MEGF6: variants seen among roughly 807,000 people sequenced by gnomAD.
MEGF6 encodes the protein multiple epidermal growth factor-like domains protein 6.
In MEGF6, 184 loss-of-function variants were observed where a neutral mutation model predicts 207.1. The observed-to-expected ratio is 0.89, with a 90% CI of 0.79 to 1.00. The LOEUF is 1.00. MEGF6 is among the 50% of genes least tolerant of loss of function. The pLI is 0.00. For missense variants in MEGF6, 2,282 were observed against 2,202.9 expected (o/e 1.04, Z -0.72); for synonymous variants, 1,038 against 910.0 (o/e 1.14, Z -2.53).
the MEGF6 span, among the ~76,000 whole-genome samples, chr1:3,622,349 C>A: frequency 2.6e-5 from 4 of 152,198 alleles, no homozygotes; most frequent in African/African-American, 7.2e-5. Context: ...GTAAGACGTG[C>A]CTTGCTTCCC....
intron 20 of MEGF6, 55 bp from the exon 21 acceptor site, chr1:3,500,819 C>G: frequency 6.3e-7 from 1 of 1,594,840 alleles, no homozygotes; most frequent in Middle Eastern, 2.0e-4. Context: ...CCACGGGCAC[C>G]ACAGCCGAGT....
chr1:3,539,664 G>A (rs1308504876), intron 4 of MEGF6, among the ~76,000 whole-genome samples: 2 of 152,166 alleles, frequency 1.3e-5, no homozygotes, highest in Non-Finnish European at 2.9e-5. Context: ...TGGGGCTTCC[G>A]GGAGGACTGG....
rs1185919168 is a variant in MEGF6, at chr1:3,493,909, G to A, written c.4259-10C>T. The A allele has an allele frequency of 1.3e-6, 2 of 1,586,958 alleles. No individual in the cohort carries two copies. Among genetic ancestry groups the A allele is most frequent in the Non-Finnish European group, 1.7e-6 (2 of 1,167,204 alleles). Reference sequence around the variant, plus strand: ...GAACCTGGCTCACACCCTGGTGGGGGCAGTGGGCTCAGTGTCCCCCTCCTG... The same window carrying A: ...GAACCTGGCTCACACCCTGGTGGGGACAGTGGGCTCAGTGTCCCCCTCCTG... On this transcript the variant is annotated splice_polypyrimidine_tract_variant and intron_variant, in intron 33 of 36. Transcript: ENST00000356575.
chr1:3,529,032 C>A (rs112465040), intron 4 of MEGF6, among the ~76,000 whole-genome samples: 4 of 152,204 alleles, frequency 2.6e-5, no homozygotes, highest in African/African-American at 9.7e-5. Context: ...TCTGCCAGAC[C>A]GGCCCCCCGA....
At chr1:3,557,404 C>G (rs1054398771) in intron 4 of MEGF6, among the ~76,000 whole-genome samples, 1 of 152,192 alleles carries the variant, frequency 6.6e-6, no homozygotes, top group African/African-American at 2.4e-5. Context: ...CCCTTGGCTC[C>G]CAGGGTGGCG....
At position 3,500,981 on chromosome 1, in the gene MEGF6, A is replaced by G. The variant is rs41303857; in HGVS notation, c.2560T>C (p.Phe854Leu). 3.6e-3 allele frequency: 5,817 copies of G among 1,611,926 alleles called. 16 individuals carry two copies. Among genetic ancestry groups the G allele is most frequent in the Non-Finnish European group, 4.5e-3 (5,367 of 1,179,962 alleles). Residue 854 changes from phenylalanine to leucine, a missense_variant, in exon 20 of 37, where the codon TTT (phenylalanine) becomes CTT (leucine). Phe to Leu is a conservative substitution (Grantham distance 22). Coordinates refer to ENST00000356575, the MANE Select transcript of MEGF6 (RefSeq NM_001409.4). Reference protein sequence around the residue: ...HCSCAPGWTGFSCQRACDTGH... With the variant: ...HCSCAPGWTGLSCQRACDTGH... ...GCCCCCGTACCTCTCTGGCAGCTAA[A>G]GCCGGTCCACCCGGGGGCACAGCTG...
chr1:3,605,518 A>G (rs1441858458), intron 1 of MEGF6, among the ~76,000 whole-genome samples: 3 of 149,222 alleles, frequency 2.0e-5, no homozygotes, highest in African/African-American at 7.4e-5. Flanking sequence ...ACACACATAC[A>G]CATTCACACT....
In MEGF6 at chr1:3,595,401, G is replaced by A. The variant is rs754535443; in HGVS notation, c.313C>T (p.Arg105Trp). The A allele has an allele frequency of 6.8e-6, 11 of 1,612,546 alleles. No individual in the cohort carries two copies. Among genetic ancestry groups the A allele is most frequent in the African/African-American group, 1.3e-5 (1 of 74,920 alleles). ...GYRQVYTTEA[R>W]TVLRCCRGWM... The stretch of plus-strand genomic sequence containing the variant: ...CCTCGGCAGCACCTGAGCACGGTCC[G>A]GGCCTCCGTGGTATACACCTGCCTG... The change falls in exon 3 of 37, where the codon CGG (arginine) becomes TGG (tryptophan). Residue 105 changes from arginine (R) to tryptophan (W), a missense_variant. Physicochemically the swap from Arg to Trp is moderately radical, Grantham distance 101 (BLOSUM62 -3). Coordinates refer to ENST00000356575, the MANE Select transcript of MEGF6 (RefSeq NM_001409.4).
chr1:3,502,702 G>A (rs1337927036), intron 17 of MEGF6, among the ~76,000 whole-genome samples: 1 of 152,148 alleles, frequency 6.6e-6, no homozygotes, highest in Non-Finnish European at 1.5e-5. Context: ...CCTGGAGAGG[G>A]CCTGCAGGGG....
chr1:3,547,691 ACAC>A (rs1387114700), intron 4 of MEGF6, among the ~76,000 whole-genome samples: 1 of 152,120 alleles, frequency 6.6e-6, no homozygotes, highest in Admixed American at 6.5e-5. Context: ...GGAGCCCTGA[ACAC>A]CACATCAAGT....
chr1:3,561,072 T>C (rs925020286), intron 4 of MEGF6, among the ~76,000 whole-genome samples: 1 of 152,126 alleles, frequency 6.6e-6, no homozygotes, highest in Admixed American at 6.5e-5. Flanking sequence ...TGGCAGGAGA[T>C]GCTACAAGGG....
chr1:3,515,793 C>G (rs144729655), intron 5 of MEGF6, among the ~76,000 whole-genome samples: 1 of 152,220 alleles, frequency 6.6e-6, no homozygotes, highest in South Asian at 2.1e-4. Context: ...CCGGCCTGAT[C>G]GAGGGCTGGA....
chr1:3,565,145 A>G lies in MEGF6; in HGVS notation c.481+14680T>C, dbSNP rs747539809. Among the ~76,000 whole-genome samples the G allele has an allele frequency of 2.0e-5, 3 of 151,706 alleles. No individual in the cohort carries two copies. The highest frequency in any genetic ancestry group is 4.4e-5 in the Non-Finnish European group (3 of 67,906). ...GATGGACGCATGAATGAAGCCCCCT[A>G]GGTACCCCCTTCTTACCCTGGAACC... On this transcript the variant is annotated intron_variant, in intron 4 of 36. Transcript: ENST00000356575. This position sits in a 1 kb window ranked among gnomAD's most constrained non-coding sequence, Gnocchi z 4.8.
Position 3,509,979 on chromosome 1 carries a change from G to A in MEGF6, c.1248C>T (p.Cys416=), listed in dbSNP as rs778269722. 6.1e-5 allele frequency: 97 copies of A among 1,585,680 alleles called. 1 individual carries two copies. Among genetic ancestry groups the A allele is most frequent in the Admixed American group, 1.1e-4 (6 of 56,692 alleles). ...DGCGCEDVDE[C]ASSRGGCEHH... is the part of the protein sequence containing the mutation. ...GCTCGCAGCCGCCACGGCTGGAGGC[G>A]CACTCATCCACATCTGCGGGCGACC... The change falls in exon 11 of 37, where the codon TGC becomes TGT. Residue 416 remains cysteine, a synonymous_variant. Coordinates refer to ENST00000356575, the MANE Select transcript of MEGF6 (RefSeq NM_001409.4).
intron 2 of MEGF6, 116 bp downstream of exon 2, chr1:3,602,350 G>T: frequency 6.9e-7 from 1 of 1,444,182 alleles, no homozygotes; most frequent in Non-Finnish European, 9.3e-7. Flanking sequence ...GGCAGGGGTT[G>T]CGTGTGGCCC....
chr1:3,531,695 G>T (rs1206468981), intron 4 of MEGF6, among the ~76,000 whole-genome samples: 1 of 152,174 alleles, frequency 6.6e-6, no homozygotes, highest in African/African-American at 2.4e-5. Context: ...CACACAGGAG[G>T]TACACAGACA....
chr1:3,506,033 CA>C, intron 15 of MEGF6, 74 bp downstream of exon 15: 1 of 1,495,412 alleles, frequency 6.7e-7, no homozygotes, highest in Admixed American at 2.2e-5. Context: ...ACCCAGACTA[CA>C]GGTAACAGGA....
At chr1:3,575,364 T>TC (rs1643612192) in intron 4 of MEGF6, among the ~76,000 whole-genome samples, 1 of 151,482 alleles carries the variant, frequency 6.6e-6, no homozygotes, top group Admixed American at 6.6e-5. Context: ...GTCTTTAGAG[T>TC]CCCCCTCGCT....
At chr1:3,615,031 C>T (rs4648398), upstream of MEGF6, among the ~76,000 whole-genome samples, 109,462 of 152,190 alleles carry the variant, frequency 0.72, 40,858 homozygotes, top group Non-Finnish European at 0.83. Context: ...CTTGTCTAAA[C>T]GACGGCACAG....
Sources: allele counts gnomAD v4.1 joint callset (sites outside exome capture counted in the v4.1 genomes callset), GRCh38; gene constraint gnomAD v4.1.1; non-coding constraint Gnocchi (gnomAD v3.1); transcripts MANE v1.5; gene names NCBI Gene and HGNC (gene_info 2026-07-23, HGNC 2026-07-21).